The following DEPDC1B variants were observed in gnomAD, a reference collection of about 807,000 sequenced individuals.
DEPDC1B encodes DEP domain-containing protein 1B.
DEPDC1B carries 51 observed loss-of-function variants against 66.5 expected under a neutral mutation model. The ratio of observed to expected loss-of-function variants is 0.77; its 90% CI spans 0.61 to 0.97. DEPDC1B has a LOEUF of 0.97. Ranked by LOEUF, DEPDC1B falls within the 50% of genes least tolerant of loss-of-function variation. The pLI is 0.00. For missense variants in DEPDC1B, 552 were observed against 637.1 expected (o/e 0.87, Z 1.44); for synonymous variants, 226 against 223.6 (o/e 1.01, Z -0.10).
chr5:60,600,772 C>G (rs951793297), intron 9 of DEPDC1B, among the ~76,000 whole-genome samples: 8 of 152,222 alleles, frequency 5.3e-5, no homozygotes, highest in Non-Finnish European at 1.0e-4. Context: ...GCTCACAAGG[C>G]TAAGTTACTA....
At chr5:60,651,353 T>C (rs1243291069) in intron 2 of DEPDC1B, among the ~76,000 whole-genome samples, 1 of 151,722 alleles carries the variant, frequency 6.6e-6, no homozygotes, top group Non-Finnish European at 1.5e-5. Flanking sequence ...CATCGTGAAA[T>C]CTCGTCTCTA....
chr5:60,638,762 C>A lies in DEPDC1B; in HGVS notation c.886G>T (p.Val296Phe). 1 of 1,609,736 alleles carries A rather than the reference C, an allele frequency of 6.2e-7. No homozygotes were observed. Among genetic ancestry groups the A allele is most frequent in the East Asian group, 2.2e-5 (1 of 44,568 alleles). Residue 296 changes from valine (V) to phenylalanine (F), a missense_variant, in exon 7 of 11, where the codon GTC (valine) becomes TTC (phenylalanine). Val to Phe is a conservative substitution (Grantham distance 50). Transcript: ENST00000265036. The stretch of plus-strand genomic sequence containing the variant: ...TATTCCAACTTACCCAGTACACTGA[C>A]AAAAGCATCAAAAAGATGAAATGTA... ...LLTFHLFDAFVSVLGLLQKEK... is the reference protein window; with the variant it reads ...LLTFHLFDAFFSVLGLLQKEK...
chr5:60,618,591 G>T (rs1752622814), intron 7 of DEPDC1B, among the ~76,000 whole-genome samples: 1 of 152,310 alleles, frequency 6.6e-6, no homozygotes, highest in East Asian at 1.9e-4. Context: ...AAACCAGGAA[G>T]AAGTTGAATC....
At chr5:60,626,626 T>TA (rs1162306510) in intron 7 of DEPDC1B, among the ~76,000 whole-genome samples, 1 of 152,172 alleles carries the variant, frequency 6.6e-6, no homozygotes, top group Non-Finnish European at 1.5e-5. Context: ...AATAAATATA[T>TA]ATGTGTTTAA....
intron 7 of DEPDC1B, among the ~76,000 whole-genome samples, chr5:60,607,947 T>C (rs1237535419): frequency 6.6e-6 from 1 of 152,174 alleles, no homozygotes; most frequent in Non-Finnish European, 1.5e-5. Context: ...GGGCAGATCA[T>C]GCAGAACTTT....
chr5:60,612,779 A>T (rs1247708047), intron 7 of DEPDC1B, among the ~76,000 whole-genome samples: 1 of 152,020 alleles, frequency 6.6e-6, no homozygotes, highest in Non-Finnish European at 1.5e-5. Context: ...TAGAAAATTT[A>T]AAAATTTGTT....
chr5:60,604,704 G>A (rs1306136699), intron 8 of DEPDC1B, among the ~76,000 whole-genome samples: 2 of 152,110 alleles, frequency 1.3e-5, no homozygotes, highest in Admixed American at 6.6e-5. Flanking sequence ...TGTACAGAGA[G>A]ACACACAGGC....
chr5:60,683,277 A>T (rs79283000), intron 2 of DEPDC1B, among the ~76,000 whole-genome samples: 5,211 of 152,078 alleles, frequency 0.034, 293 homozygotes, highest in African/African-American at 0.12. Context: ...AAAATTTTTT[A>T]AAAAAATTAG....
At chr5:60,622,384 A>C (rs1404586989) in intron 7 of DEPDC1B, among the ~76,000 whole-genome samples, 2 of 152,164 alleles carry the variant, frequency 1.3e-5, no homozygotes, top group African/African-American at 4.8e-5. Context: ...ATGTACCCAT[A>C]GTTTATTTTT....
At chr5:60,651,535 A>C (rs1042012747) in intron 2 of DEPDC1B, among the ~76,000 whole-genome samples, 2 of 148,528 alleles carry the variant, frequency 1.3e-5, no homozygotes, top group African/African-American at 2.6e-5. Flanking sequence ...CACCTAAAAA[A>C]AAAACAAAAA....
intron 2 of DEPDC1B, among the ~76,000 whole-genome samples, chr5:60,674,903 C>T (rs1255774768): frequency 1.3e-5 from 2 of 152,150 alleles, no homozygotes; most frequent in Non-Finnish European, 2.9e-5. Flanking sequence ...CCAGCACACA[C>T]AGAAGGAAGC....
chr5:60,645,601 T>C lies in DEPDC1B; in HGVS notation c.469A>G (p.Lys157Glu). ...TCTCCAATTGCAATACTGTGACGCT[T>C]GTACCACATCTCAGAATTCTAATGG... Reference protein sequence around the residue: ...PVVMNSEMWYKRHSIAIGEVP... With the variant: ...PVVMNSEMWYERHSIAIGEVP... Residue 157 changes from lysine to glutamate, a missense_variant, in exon 4 of 11, where the codon AAG becomes GAG. Lys to Glu is a moderately conservative substitution (Grantham distance 56). Coordinates refer to ENST00000265036, the MANE Select transcript of DEPDC1B (RefSeq NM_018369.3). 1 of 1,611,006 alleles carries C rather than the reference T, an allele frequency of 6.2e-7. No homozygotes were observed. Among genetic ancestry groups the C allele is most frequent in the Non-Finnish European group, 8.5e-7 (1 of 1,178,766 alleles).
chr5:60,683,144 A>T (rs1161936964), intron 2 of DEPDC1B, among the ~76,000 whole-genome samples: 2 of 152,156 alleles, frequency 1.3e-5, no homozygotes, highest in African/African-American at 2.4e-5. Flanking sequence ...AGTATACACA[A>T]ATCTGCCAGG....
chr5:60,664,481 C>T (rs893644052), intron 2 of DEPDC1B, among the ~76,000 whole-genome samples: 34 of 152,198 alleles, frequency 2.2e-4, no homozygotes, highest in Admixed American at 1.0e-3. Context: ...GCCAGTGCTG[C>T]GACTGTGCAC....
chr5:60,649,292 G>GA (rs1232454089), intron 2 of DEPDC1B, among the ~76,000 whole-genome samples: 1 of 152,056 alleles, frequency 6.6e-6, no homozygotes, highest in African/African-American at 2.4e-5. Flanking sequence ...CCCATAACCA[G>GA]AAAAAAGTAG....
chr5:60,613,794 G>T (rs983687842), intron 7 of DEPDC1B, among the ~76,000 whole-genome samples: 1 of 90,128 alleles, frequency 1.1e-5, no homozygotes. Context: ...GTATTTGTGT[G>T]TGTGTGTGTG....
At chr5:60,666,959 G>A (rs904473029) in intron 2 of DEPDC1B, among the ~76,000 whole-genome samples, 1 of 152,180 alleles carries the variant, frequency 6.6e-6, no homozygotes, top group Non-Finnish European at 1.5e-5. Flanking sequence ...TACTAGTTGA[G>A]CTCTTTCTAA....
chr5:60,633,925 C>T (rs1009182920), intron 7 of DEPDC1B, among the ~76,000 whole-genome samples: 3 of 152,132 alleles, frequency 2.0e-5, no homozygotes, highest in Admixed American at 6.5e-5. Flanking sequence ...CCTTTACATT[C>T]GCAAATTATA....
chr5:60,610,663 A>T (rs1430427089), intron 7 of DEPDC1B, among the ~76,000 whole-genome samples: 4 of 152,250 alleles, frequency 2.6e-5, no homozygotes, highest in Non-Finnish European at 5.9e-5. Context: ...ATATAAACTT[A>T]TGTAAACATC....
Sources: gnomAD v4.1 joint callset for allele counts (sites outside exome capture counted in the v4.1 genomes callset) on GRCh38, gnomAD v4.1.1 for gene constraint, MANE v1.5 for transcripts, NCBI Gene and HGNC (gene_info 2026-07-23, HGNC 2026-07-21) for gene names.